Variants in LYPLAL1 observed in about 807,000 individuals in gnomAD.
LYPLAL1 encodes lysophospholipase like 1.
Under a neutral mutation model 19.7 loss-of-function variants are expected in LYPLAL1, and 23 were observed. The ratio of observed to expected loss-of-function variants is 1.17; its 90% CI spans 0.84 to 1.65. The LOEUF is 1.65. Ranked by LOEUF, LYPLAL1 falls within the 40% of genes most tolerant of loss-of-function variation. The pLI is 0.00. For synonymous variants in LYPLAL1, 119 were observed against 96.3 expected, an observed-to-expected ratio of 1.24 and a Z score of -1.38; for missense variants, 355 against 279.4, an observed-to-expected ratio of 1.27 and a Z score of -1.93.
the LYPLAL1 span, among the ~76,000 whole-genome samples, chr1:219,372,459 T>G: frequency 6.6e-6 from 1 of 152,130 alleles, no homozygotes; most frequent in Non-Finnish European, 1.5e-5. Context: ...AAACTCTTAA[T>G]TCAGAAAGCC....
the LYPLAL1 span, among the ~76,000 whole-genome samples, chr1:219,441,511 T>G: frequency 6.6e-6 from 1 of 152,228 alleles, no homozygotes; most frequent in Admixed American, 6.5e-5. Flanking sequence ...TATTATGCTA[T>G]TCTCTATATT....
the LYPLAL1 span, among the ~76,000 whole-genome samples, chr1:219,309,455 G>T: frequency 6.6e-6 from 1 of 152,058 alleles, no homozygotes; most frequent in Non-Finnish European, 1.5e-5. Context: ...GGTGGGGCTG[G>T]GGCTGAATGA....
At chr1:219,274,228 A>C in the LYPLAL1 span, among the ~76,000 whole-genome samples, 1 of 152,228 alleles carries the variant, frequency 6.6e-6, no homozygotes, top group Admixed American at 6.5e-5. Context: ...CAGCATGCCC[A>C]AATGTAGAAC....
the LYPLAL1 span, among the ~76,000 whole-genome samples, chr1:219,327,849 T>G: frequency 1.3e-5 from 2 of 152,134 alleles, no homozygotes; most frequent in African/African-American, 4.8e-5. Context: ...AAGATGTGCC[T>G]TTCATCTTCC....
At chr1:219,199,307 A>C (rs1657881027) in intron 3 of LYPLAL1, among the ~76,000 whole-genome samples, 1 of 152,236 alleles carries the variant, frequency 6.6e-6, no homozygotes, top group Non-Finnish European at 1.5e-5. Flanking sequence ...TCTGTTCATG[A>C]ATAATCAACC....
chr1:219,422,014 G>T, the LYPLAL1 span, among the ~76,000 whole-genome samples: 2 of 152,210 alleles, frequency 1.3e-5, no homozygotes, highest in South Asian at 4.1e-4. Context: ...TCCAAAAGTG[G>T]TCAGTCACTC....
chr1:219,294,665 A>G, the LYPLAL1 span, among the ~76,000 whole-genome samples: 1 of 152,168 alleles, frequency 6.6e-6, no homozygotes, highest in African/African-American at 2.4e-5. Flanking sequence ...GTTCTACCAT[A>G]TGGCTTAATA....
At chr1:219,289,078 G>GTTTTTTTTTTTTTTTTTTTTTTTTTT in the LYPLAL1 span, among the ~76,000 whole-genome samples, 1 of 114,920 alleles carries the variant, frequency 8.7e-6, no homozygotes. Context: ...CTCTTGTTTT[G>GTTTTTTTTTTTTTTTTTTTTTTTTTT]TTTTTTTTGT....
the LYPLAL1 span, among the ~76,000 whole-genome samples, chr1:219,227,320 C>T: frequency 6.6e-6 from 1 of 152,148 alleles, no homozygotes. Context: ...ACTCTGCTTC[C>T]TCTTTCAAAG....
the LYPLAL1 span, among the ~76,000 whole-genome samples, chr1:219,224,894 G>A: frequency 1.3e-5 from 2 of 152,138 alleles, no homozygotes; most frequent in African/African-American, 2.4e-5. Flanking sequence ...TCCATAGCCT[G>A]CTTCAGTCCT....
the LYPLAL1 span, among the ~76,000 whole-genome samples, chr1:219,266,508 C>CT: frequency 6.6e-6 from 1 of 151,020 alleles, no homozygotes. Flanking sequence ...TCACAGTTAA[C>CT]TTTTTTTTTA....
At chr1:219,308,797 G>C in the LYPLAL1 span, among the ~76,000 whole-genome samples, 1 of 152,228 alleles carries the variant, frequency 6.6e-6, no homozygotes, top group African/African-American at 2.4e-5. Flanking sequence ...GGCTCTCACA[G>C]AGAACCTCTG....
chr1:219,290,020 T>C, the LYPLAL1 span, among the ~76,000 whole-genome samples: 1 of 152,168 alleles, frequency 6.6e-6, no homozygotes, highest in Non-Finnish European at 1.5e-5. Flanking sequence ...GAGCTGCAGG[T>C]AAGCAGCAAA....
chr1:219,207,384 CTTTATT>C (rs1465140263), intron 3 of LYPLAL1, among the ~76,000 whole-genome samples: 5 of 151,910 alleles, frequency 3.3e-5, no homozygotes, highest in Non-Finnish European at 7.4e-5. Context: ...GGTCTAAAAT[CTTTATT>C]TTTAAGAGGT....
chr1:219,308,612 A>G, the LYPLAL1 span, among the ~76,000 whole-genome samples: 1 of 152,182 alleles, frequency 6.6e-6, no homozygotes, highest in Non-Finnish European at 1.5e-5. Flanking sequence ...GCGCCAACGT[A>G]GAGCTCGGTT....
chr1:219,314,926 G>A, the LYPLAL1 span, among the ~76,000 whole-genome samples: 27 of 147,084 alleles, frequency 1.8e-4, 1 homozygote, highest in South Asian at 6.4e-3. Flanking sequence ...GGAAAACAGT[G>A]TCTTAAAAGA....
chr1:219,333,383 C>T, the LYPLAL1 span, among the ~76,000 whole-genome samples: 2 of 151,978 alleles, frequency 1.3e-5, no homozygotes, highest in South Asian at 2.1e-4. Context: ...ATAGTACTCT[C>T]AGGAGTTGCA....
At chr1:219,257,929 A>G in the LYPLAL1 span, among the ~76,000 whole-genome samples, 4 of 152,000 alleles carry the variant, frequency 2.6e-5, no homozygotes, top group South Asian at 2.1e-4. Context: ...GTGGCCATTT[A>G]TAGACCTTGT....
the LYPLAL1 span, among the ~76,000 whole-genome samples, chr1:219,232,028 T>A: frequency 6.6e-6 from 1 of 152,228 alleles, no homozygotes; most frequent in Non-Finnish European, 1.5e-5. Context: ...AAATTATATA[T>A]GTTTCTGCCA....
Sources: allele counts gnomAD v4.1 joint callset (sites outside exome capture counted in the v4.1 genomes callset), GRCh38; gene constraint gnomAD v4.1.1; transcripts MANE v1.5; gene names NCBI Gene and HGNC (gene_info 2026-07-23, HGNC 2026-07-21).